Variants in GCM2 observed in about 807,000 individuals in gnomAD.
GCM2 encodes GCM transcription factor 2.
Under a neutral mutation model 24.8 loss-of-function variants are expected in GCM2, and 21 were observed. The ratio of observed to expected loss-of-function variants is 0.85; its 90% confidence interval spans 0.60 to 1.22. The LOEUF is 1.22. Among genes scored for constraint, GCM2 ranks in the 50% most tolerant of loss-of-function variants. The pLI is 0.00. For missense variants in GCM2, 532 were observed against 645.6 expected (o/e 0.82, Z 1.91); for synonymous variants, 222 against 238.0 (o/e 0.93, Z 0.62).
rs1301331093 is a variant in GCM2, at chr6:10,873,606, C to T, written c.*389G>A. On this transcript the variant is annotated 3_prime_UTR_variant, in exon 5 of 5. Transcript: ENST00000379491. ...CTTCCTGAAGCTATTTTGGCAGCCT[C>T]TAGGGATGTGAAATTCCCTAAGGTG... 1 of 279,880 alleles carries T rather than the reference C, an allele frequency of 3.6e-6. No individual in the cohort carries two copies. The highest frequency in any genetic ancestry group is 6.9e-6 in the Non-Finnish European group (1 of 144,330). The allele number at this position is 279,880 out of a possible 1,614,324, so 17.3% of individuals were successfully genotyped here. A position where few individuals can be genotyped will look rare whatever the true frequency, so the allele number is the denominator to read the frequency against.
chr6:10,875,761 C>T (rs759581678), intron 4 of GCM2, 130 bp downstream of exon 4: 19 of 911,386 alleles, frequency 2.1e-5, no homozygotes, highest in Non-Finnish European at 3.0e-5. Flanking sequence ...TATTTTGTTA[C>T]AGACGTATAA....
Position 10,877,381 on chromosome 6 carries a change from G to A in GCM2, c.102C>T (p.Leu34=). 6.2e-7 allele frequency: 1 copy of A among 1,614,246 alleles called. No homozygotes were observed. The highest frequency in any genetic ancestry group is 8.5e-7 in the Non-Finnish European group (1 of 1,180,040). Reference sequence around the variant, plus strand: ...CAGGCCACTCTCGGAATTGGTCAAAGAGGGCCAGCTCCTGGAAGAGTGCAG... The same window carrying A: ...CAGGCCACTCTCGGAATTGGTCAAAAAGGGCCAGCTCCTGGAAGAGTGCAG... ...NDPQMPQELA[L]FDQFREWPDG... The change falls in exon 2 of 5, where the codon CTC becomes CTT. Residue 34 remains leucine, a synonymous_variant. Transcript: ENST00000379491.
chr6:10,875,046 G>C (rs746054462), intron 4 of GCM2, 113 bp from the exon 5 acceptor site: 17 of 811,628 alleles, frequency 2.1e-5, no homozygotes, highest in Non-Finnish European at 3.6e-5. Flanking sequence ...TGGGCTCTGT[G>C]TTGTGAACAT....
intron 3 of GCM2, 138 bp from the exon 4 acceptor site, chr6:10,876,154 T>A (rs1158391528): frequency 2.2e-6 from 2 of 909,066 alleles, no homozygotes; most frequent in African/African-American, 3.3e-5. Context: ...AAAAAAATTC[T>A]TGAACAAATA....
Position 10,881,788 on chromosome 6 carries a change from C to T in GCM2, c.6G>A (p.Pro2=), listed in dbSNP as rs775075005. 2.5e-6 allele frequency: 4 copies of T among 1,607,302 alleles called. No individual in the cohort carries two copies. The highest frequency in any genetic ancestry group is 1.7e-5 in the Admixed American group (1 of 59,956). The stretch of plus-strand genomic sequence containing the variant: ...CGACCGCTTCCTGCACCGCGGCCGC[C>T]GGCATCTGCCCAACTCGCTCGCGCT... The part of the protein sequence containing the change: M[P]AAAVQEAVGV... The change falls in exon 1 of 5, where the codon CCG becomes CCA. Residue 2 remains proline, a synonymous_variant. Transcript: ENST00000379491.
At chr6:10,877,888 G>A (rs917622741) in intron 1 of GCM2, among the ~76,000 whole-genome samples, 10 of 152,204 alleles carry the variant, frequency 6.6e-5, no homozygotes, top group African/African-American at 2.4e-4. Context: ...TCACTGAAAT[G>A]CAATTTAACT....
intron 1 of GCM2, 26 bp downstream of exon 1, chr6:10,881,678 T>C (rs780235487): frequency 2.7e-5 from 40 of 1,501,542 alleles, no homozygotes; most frequent in Non-Finnish European, 3.6e-5. Context: ...GCGCCCCGCG[T>C]GCCCGCACAC....
In GCM2 at chr6:10,873,615, T is replaced by G. The variant is rs1779834248; in HGVS notation, c.*380A>C. ...GCTATTTTGGCAGCCTCTAGGGATGTGAAATTCCCTAAGGTGCTCTAATGG... is the reference window on the plus strand; with the variant it reads ...GCTATTTTGGCAGCCTCTAGGGATGGGAAATTCCCTAAGGTGCTCTAATGG... On this transcript the variant is annotated 3_prime_UTR_variant, in exon 5 of 5. Transcript: ENST00000379491. 3 of 281,574 alleles carry G rather than the reference T, an allele frequency of 1.1e-5. No individual in the cohort carries two copies. Among genetic ancestry groups the G allele is most frequent in the African/African-American group, 6.6e-5 (3 of 45,488 alleles). The allele number at this position is 281,574 out of a possible 1,614,324, so 17.4% of individuals were successfully genotyped here.
At chr6:10,878,938 T>C (rs990061516) in intron 1 of GCM2, among the ~76,000 whole-genome samples, 1 of 152,190 alleles carries the variant, frequency 6.6e-6, no homozygotes. Flanking sequence ...CTCCCCACTC[T>C]TGCCACTCAG....
chr6:10,877,196 C>G lies in GCM2; in HGVS notation c.287G>C (p.Gly96Ala), dbSNP rs1428383396. The change falls in exon 2 of 5, where the codon GGT (glycine) becomes GCT (alanine). Residue 96 changes from glycine to alanine, a missense_variant. This residue lies in a region of GCM2 where 434 missense variants were observed against 521.9 expected (regional missense o/e 0.83). Transcript: ENST00000379491. ...GGCCGGCCTCAGCTGCAGGCGGGAA[C>G]CGTCGGGCAGGGTGCAGGCCTGTGT... The part of the protein sequence containing the change: ...VCTQACTLPD[G>A]SRLQLRPAIC... 2 of 1,613,898 alleles carry G rather than the reference C, an allele frequency of 1.2e-6. No individual in the cohort carries two copies. Among genetic ancestry groups the G allele is most frequent in the African/African-American group, 2.7e-5 (2 of 74,954 alleles).
rs140411555 is a variant in GCM2, at chr6:10,874,266, G to A, written c.1250C>T (p.Ala417Val). The change falls in exon 5 of 5, where the codon GCT becomes GTT. Residue 417 changes from alanine (A) to valine (V), a missense_variant. Physicochemically the swap from Ala to Val is moderately conservative, Grantham distance 64. Around this residue, in one of 3 missense-constraint regions of GCM2, gnomAD observed 434 missense variants for 521.9 expected, o/e 0.83. Transcript: ENST00000379491. ...EVKSLSSCNY[A>V]PEDTGMSVYP... is the part of the protein sequence containing the mutation. Reference sequence around the variant, plus strand: ...GACAGACATCCCAGTATCTTCAGGAGCATAGTTACAGCTCGAAAGGCTCTT... The same window carrying A: ...GACAGACATCCCAGTATCTTCAGGAACATAGTTACAGCTCGAAAGGCTCTT... 3 of 1,614,230 alleles carry A rather than the reference G, an allele frequency of 1.9e-6. No individual in the cohort carries two copies. Among genetic ancestry groups the A allele is most frequent in the South Asian group, 1.1e-5 (1 of 91,084 alleles).
chr6:10,874,844 G>A lies in GCM2; in HGVS notation c.672C>T (p.Ser224=). 6.2e-7 allele frequency: 1 copy of A among 1,613,726 alleles called. No individual in the cohort carries two copies. The highest frequency in any genetic ancestry group is 8.5e-7 in the Non-Finnish European group (1 of 1,179,680). The change falls in exon 5 of 5, where the codon AGC becomes AGT. Residue 224 remains serine (S), a synonymous_variant. Transcript: ENST00000379491. The part of the protein sequence containing the change: ...PEDFDIVTET[S]FPIPGQPCPS... ...GGCAAGGCTGCCCTGGAATAGGGAA[G>A]CTGGTTTCAGTAACTATATCAAAGT...
rs1561671914 is a variant in GCM2 at position 10,875,943 on chromosome 6, C to T, written c.530G>A (p.Arg177Lys). The T allele has an allele frequency of 6.2e-7, 1 of 1,613,826 alleles. No individual in the cohort carries two copies. Among genetic ancestry groups the T allele is most frequent in the Non-Finnish European group, 8.5e-7 (1 of 1,179,734 alleles). ...GGGTTGGTAGAAAGAGGCCATTTGT[C>T]TCTTGATGGCGCTTCTTCTAGCTTC... is the stretch of plus-strand genomic sequence containing the variant. Reference protein sequence around the residue: ...ETEARRSAIKRQMASFYQPQK... With the variant: ...ETEARRSAIKKQMASFYQPQK... The change falls in exon 4 of 5, where the codon AGA (arginine) becomes AAA (lysine). Residue 177 changes from arginine to lysine, a missense_variant. Physicochemically the swap from Arg to Lys is conservative, Grantham distance 26. This residue lies in a region of GCM2 where 434 missense variants were observed against 521.9 expected (regional missense o/e 0.83). Coordinates refer to ENST00000379491, the MANE Select transcript of GCM2 (RefSeq NM_004752.4).
chr6:10,875,522 T>C (rs1779865227), intron 4 of GCM2, among the ~76,000 whole-genome samples: 1 of 152,210 alleles, frequency 6.6e-6, no homozygotes, highest in South Asian at 2.1e-4. Context: ...AGAAATTTTA[T>C]CCATTCTTGT....
At chr6:10,877,862 T>C (rs987854635) in intron 1 of GCM2, among the ~76,000 whole-genome samples, 2 of 152,236 alleles carry the variant, frequency 1.3e-5, no homozygotes, top group African/African-American at 4.8e-5. Context: ...GGGGAAAAAG[T>C]GATTGGAATG....
intron 1 of GCM2, 69 bp from the exon 2 acceptor site, chr6:10,877,461 T>G: frequency 6.5e-7 from 1 of 1,533,730 alleles, no homozygotes; most frequent in Non-Finnish European, 9.0e-7. Context: ...GCTCTAAAAT[T>G]TCTCTGAGCA....
intron 4 of GCM2, 125 bp downstream of exon 4, chr6:10,875,766 G>T: frequency 1.1e-6 from 1 of 945,336 alleles, no homozygotes; most frequent in Non-Finnish European, 1.7e-6. Flanking sequence ...TGTTACAGAC[G>T]TATAATTTTC....
chr6:10,876,498 C>T lies in GCM2; in HGVS notation c.403G>A (p.Gly135Arg), dbSNP rs146812948. The T allele has an allele frequency of 1.3e-5, 21 of 1,613,970 alleles. No individual in the cohort carries two copies. The highest frequency in any genetic ancestry group is 2.2e-5 in the East Asian group (1 of 44,900). The change falls in exon 3 of 5, where the codon GGA becomes AGA. Residue 135 changes from glycine (G) to arginine (R), a missense_variant. By Grantham distance (125) the Gly-to-Arg change is moderately radical. Coordinates refer to ENST00000379491, the MANE Select transcript of GCM2 (RefSeq NM_004752.4). ...LELIPCRGHS[G>R]YPVTNFWRLD... ...CGCCAAAAGTTGGTTACGGGGTATCCGCTGTGCCCTCGACAAGGAATCAAC... is the reference window on the plus strand; with the variant it reads ...CGCCAAAAGTTGGTTACGGGGTATCTGCTGTGCCCTCGACAAGGAATCAAC...
intron 1 of GCM2, among the ~76,000 whole-genome samples, chr6:10,880,144 A>G (rs1779938297): frequency 6.6e-6 from 1 of 152,102 alleles, no homozygotes; most frequent in Admixed American, 6.6e-5. Context: ...AGTCCCAGCT[A>G]CTCGGGAAGC....
Sources: allele counts gnomAD v4.1 joint callset (sites outside exome capture counted in the v4.1 genomes callset), GRCh38; gene constraint gnomAD v4.1.1; regional missense constraint gnomAD v4.1.1; transcripts MANE v1.5; gene names NCBI Gene and HGNC (gene_info 2026-07-23, HGNC 2026-07-21).